ZBTB7C: variants seen among roughly 807,000 people sequenced by gnomAD.
ZBTB7C encodes zinc finger and BTB domain-containing protein 7C.
In ZBTB7C, 8 loss-of-function variants were observed where a neutral mutation model predicts 25.7. The observed-to-expected ratio is 0.31, with a 90% CI of 0.18 to 0.56. The LOEUF is 0.56. Among genes scored for constraint, ZBTB7C ranks in the 20% least tolerant of loss-of-function variants. The probability of loss-of-function intolerance (pLI) is 0.91; values close to 1 mark genes in which losing one functional copy is unlikely to be tolerated. For missense variants in ZBTB7C, 824 were observed against 855.2 expected (o/e 0.96, Z 0.46); for synonymous variants, 394 against 369.0 (o/e 1.07, Z -0.78).
intron 3 of ZBTB7C, among the ~76,000 whole-genome samples, chr18:48,093,616 A>C (rs1034804768): frequency 7.3e-6 from 1 of 137,482 alleles, no homozygotes; most frequent in African/African-American, 2.6e-5. Flanking sequence ...ATTAAAAAAA[A>C]ACAAAAAAAA....
intron 2 of ZBTB7C, among the ~76,000 whole-genome samples, chr18:48,227,564 A>C (rs1158030649): frequency 6.6e-6 from 1 of 152,218 alleles, no homozygotes; most frequent in African/African-American, 2.4e-5. Context: ...AAATGACCCC[A>C]AAAGTGTCAA....
At chr18:48,261,963 G>C (rs2044183732) in intron 2 of ZBTB7C, among the ~76,000 whole-genome samples, 1 of 152,228 alleles carries the variant, frequency 6.6e-6, no homozygotes, top group Non-Finnish European at 1.5e-5. Flanking sequence ...AGGCAGAGCA[G>C]AAGGGCCAGA....
chr18:48,259,122 G>A (rs1227331355), intron 2 of ZBTB7C, among the ~76,000 whole-genome samples: 1 of 152,010 alleles, frequency 6.6e-6, no homozygotes, highest in Admixed American at 6.6e-5. Context: ...GCTAATTTTT[G>A]TATTTTTAGT....
rs1270092784 is a variant in ZBTB7C at position 48,041,116 on chromosome 18, C to T, written c.-9G>A. ...TCAATGTCATTGGCCATGTTCTCAGCCAGAGCCCTGCAGAGACACACAGAG... is the reference window on the plus strand; with the variant it reads ...TCAATGTCATTGGCCATGTTCTCAGTCAGAGCCCTGCAGAGACACACAGAG... On this transcript the variant is annotated 5_prime_UTR_variant, in exon 4 of 5. Coordinates refer to ENST00000590800, the MANE Select transcript of ZBTB7C (RefSeq NM_001318841.2). 6.3e-7 allele frequency: 1 copy of T among 1,586,174 alleles called. No homozygotes were observed. Among genetic ancestry groups the T allele is most frequent in the South Asian group, 1.1e-5 (1 of 87,874 alleles).
At chr18:48,188,504 A>T (rs2042117411) in intron 2 of ZBTB7C, among the ~76,000 whole-genome samples, 2 of 152,178 alleles carry the variant, frequency 1.3e-5, no homozygotes, top group African/African-American at 2.4e-5. Context: ...CCTCCCACAG[A>T]ATCTGGGAAT....
intron 2 of ZBTB7C, among the ~76,000 whole-genome samples, chr18:48,194,038 T>C (rs528751842): frequency 6.6e-6 from 1 of 152,358 alleles, no homozygotes; most frequent in East Asian, 1.9e-4. Flanking sequence ...TTCTGTGACC[T>C]TGGCCTAGAA....
At chr18:48,082,381 C>G (rs1222857768) in intron 3 of ZBTB7C, among the ~76,000 whole-genome samples, 1 of 152,108 alleles carries the variant, frequency 6.6e-6, no homozygotes, top group Non-Finnish European at 1.5e-5. Context: ...TATTTTCAAC[C>G]CACCTACATT....
At chr18:48,280,030 T>C (rs560428454) in intron 2 of ZBTB7C, among the ~76,000 whole-genome samples, 13 of 152,352 alleles carry the variant, frequency 8.5e-5, no homozygotes, top group African/African-American at 2.9e-4. Context: ...CCAGGCACTG[T>C]GCAAGGTGCT....
At chr18:48,331,407 T>C (rs1209715378) in intron 2 of ZBTB7C, among the ~76,000 whole-genome samples, 1 of 152,212 alleles carries the variant, frequency 6.6e-6, no homozygotes, top group Admixed American at 6.5e-5. Context: ...TCGTGCAGCA[T>C]GGAATCTGAG....
At chr18:48,145,043 G>T (rs551942526) in intron 3 of ZBTB7C, among the ~76,000 whole-genome samples, 2 of 152,114 alleles carry the variant, frequency 1.3e-5, no homozygotes, top group Admixed American at 1.3e-4. Flanking sequence ...CTAGAATCTG[G>T]GTTAGAGACT....
chr18:48,252,314 T>C (rs769570704), intron 2 of ZBTB7C: 2 of 152,190 alleles, frequency 1.3e-5, no homozygotes, highest in Non-Finnish European at 2.9e-5. Flanking sequence ...GAGAGAATAG[T>C]GCATTGTGAA....
At chr18:48,195,316 C>T (rs2042292199) in intron 2 of ZBTB7C, among the ~76,000 whole-genome samples, 1 of 152,292 alleles carries the variant, frequency 6.6e-6, no homozygotes, top group Middle Eastern at 3.4e-3. Context: ...CCATAATCCC[C>T]ACGTGTTGTG....
intron 2 of ZBTB7C, among the ~76,000 whole-genome samples, chr18:48,196,401 C>T (rs997639716): frequency 4.6e-5 from 7 of 152,166 alleles, no homozygotes; most frequent in Non-Finnish European, 7.3e-5. Context: ...GCCAAATGCA[C>T]CACTCTCCCA....
rs2044093037 is a variant in ZBTB7C at position 48,258,847 on chromosome 18, G to A, written c.-78-72852C>T. On this transcript the variant is annotated intron_variant, in intron 2 of 4. Transcript: ENST00000590800. ...CTAATTTTGTATTTTTAGTAGAGAC[G>A]GGTTTTGCTATTTTGGCCAGGCTGG... 2.6e-5 allele frequency among the ~76,000 whole-genome samples: 4 copies of A among 151,888 alleles called. No homozygotes were observed. The South Asian group carries it at 8.3e-4, about 32-fold the overall frequency.
At chr18:48,305,383 C>T (rs1239024586) in intron 2 of ZBTB7C, among the ~76,000 whole-genome samples, 7 of 152,288 alleles carry the variant, frequency 4.6e-5, no homozygotes, top group African/African-American at 1.2e-4. Context: ...TGGTTCTGCT[C>T]AGGGACCTGG....
At chr18:48,274,315 CTTGAATCTTGTTGTTT>C (rs1767329559) in intron 2 of ZBTB7C, among the ~76,000 whole-genome samples, 1 of 152,164 alleles carries the variant, frequency 6.6e-6, no homozygotes, top group African/African-American at 2.4e-5. Flanking sequence ...ATATTTTGAA[CTTGAATCTTGTTGTTT>C]TTGTTTTGTC....
At chr18:48,037,668 G>T (rs867722964) in intron 4 of ZBTB7C, among the ~76,000 whole-genome samples, 1 of 152,198 alleles carries the variant, frequency 6.6e-6, no homozygotes, top group Non-Finnish European at 1.5e-5. Context: ...GCCACCGTGC[G>T]ATATCCTGAG....
chr18:48,307,108 T>C (rs772013829), intron 2 of ZBTB7C, among the ~76,000 whole-genome samples: 4 of 152,156 alleles, frequency 2.6e-5, no homozygotes, highest in Admixed American at 6.5e-5. Flanking sequence ...ATTAATTATA[T>C]GGTAAGCCTC....
intron 2 of ZBTB7C, among the ~76,000 whole-genome samples, chr18:48,304,930 G>A (rs535057529): frequency 1.3e-5 from 2 of 151,890 alleles, no homozygotes; most frequent in African/African-American, 2.4e-5. Flanking sequence ...GACAAGCCTG[G>A]TTTTCCTACT....
Sources: gnomAD v4.1 joint callset for allele counts (sites outside exome capture counted in the v4.1 genomes callset) on GRCh38, gnomAD v4.1.1 for gene constraint, MANE v1.5 for transcripts, NCBI Gene and HGNC (gene_info 2026-07-23, HGNC 2026-07-21) for gene names.